NIPBL: variants seen among roughly 807,000 people sequenced by gnomAD.
NIPBL encodes nipped-B-like protein.
A neutral mutation model predicts 321.8 loss-of-function variants in NIPBL; 19 were observed. The observed-to-expected ratio is 0.06, with a 90% confidence interval of 0.04 to 0.09. The LOEUF is 0.09. Among genes scored for constraint, NIPBL ranks in the 10% least tolerant of loss-of-function variants. The pLI is 1.00. For synonymous variants in NIPBL, 1,106 were observed against 1,114.1 expected, an observed-to-expected ratio of 0.99 and a Z score of 0.14; for missense variants, 2,210 against 3,327.0, an observed-to-expected ratio of 0.66 and a Z score of 8.26.
At position 36,985,427 on chromosome 5, in the gene NIPBL, A is replaced by C; in HGVS notation, c.2247A>C (p.Gln749His). 1 of 1,613,714 alleles carries C rather than the reference A, an allele frequency of 6.2e-7. No individual in the cohort carries two copies. The highest frequency in any genetic ancestry group is 1.1e-5 in the South Asian group (1 of 91,074). The part of the protein sequence containing the change: ...KGESRPETPK[Q>H]KNEGRPETPK... The stretch of plus-strand genomic sequence containing the variant: ...AGAGCCGCCCTGAAACTCCAAAGCA[A>C]AAAAATGAAGGGCGACCTGAAACAC... Residue 749 changes from glutamine to histidine, a missense_variant, in exon 10 of 47, where the codon CAA (glutamine) becomes CAC (histidine). This residue lies in a region of NIPBL where 588 missense variants were observed against 564.1 expected (regional missense o/e 1.04). Coordinates refer to ENST00000282516, the MANE Select transcript of NIPBL (RefSeq NM_133433.4).
intron 1 of NIPBL, among the ~76,000 whole-genome samples, chr5:36,920,561 AATGAAAATT>A (rs1297092568): frequency 1.6e-4 from 25 of 152,344 alleles, no homozygotes; most frequent in African/African-American, 6.0e-4. Context: ...AGTGTTCTGA[AATGAAAATT>A]ATCAGACTTC....
chr5:36,890,049 T>G (rs1746201544), intron 1 of NIPBL, among the ~76,000 whole-genome samples: 1 of 152,172 alleles, frequency 6.6e-6, no homozygotes, highest in Non-Finnish European at 1.5e-5. Context: ...CATATATTAA[T>G]GCTATAAATT....
intron 1 of NIPBL, among the ~76,000 whole-genome samples, chr5:36,938,575 CAA>C (rs1738714186): frequency 6.6e-6 from 1 of 152,102 alleles, no homozygotes; most frequent in South Asian, 2.1e-4. Flanking sequence ...AATTGTTCTG[CAA>C]AGTTTCTAAA....
chr5:36,994,452 G>A (rs920170470), intron 10 of NIPBL, among the ~76,000 whole-genome samples: 34 of 151,938 alleles, frequency 2.2e-4, no homozygotes, highest in Admixed American at 1.8e-3. Context: ...TGATTGTATC[G>A]TCTTAATATT....
chr5:36,951,215 G>T (rs1367453082), intron 1 of NIPBL, among the ~76,000 whole-genome samples: 3 of 152,038 alleles, frequency 2.0e-5, no homozygotes, highest in African/African-American at 7.2e-5. Context: ...TCATACATGG[G>T]TAACTAAATA....
intron 32 of NIPBL, 142 bp downstream of exon 32, chr5:37,027,554 G>T: frequency 1.6e-6 from 1 of 613,828 alleles, no homozygotes. Context: ...AATATGTTAG[G>T]CTGGATGATT....
At chr5:37,011,478 C>G (rs998041304) in intron 21 of NIPBL, among the ~76,000 whole-genome samples, 1 of 152,132 alleles carries the variant, frequency 6.6e-6, no homozygotes, top group Non-Finnish European at 1.5e-5. Flanking sequence ...TCGATTGAGC[C>G]TTGAGAGATC....
At chr5:36,894,018 T>C (rs1382502036) in intron 1 of NIPBL, among the ~76,000 whole-genome samples, 1 of 152,186 alleles carries the variant, frequency 6.6e-6, no homozygotes, top group East Asian at 1.9e-4. Context: ...TCAAATTGAA[T>C]CTTGTTAGAA....
At chr5:36,880,526 CTT>C (rs1313213413) in intron 1 of NIPBL, among the ~76,000 whole-genome samples, 3 of 151,914 alleles carry the variant, frequency 2.0e-5, no homozygotes, top group Non-Finnish European at 4.4e-5. Context: ...AGAAATGTAA[CTT>C]TAATTCTGTT....
rs566043130 is a variant in NIPBL, at chr5:36,971,330, G to A, written c.771+294G>A. On this transcript the variant is annotated intron_variant, in intron 7 of 46. Coordinates refer to ENST00000282516, the MANE Select transcript of NIPBL (RefSeq NM_133433.4). ...ACAGAGCCTAAAATATTTATTCTCT[G>A]TTCCTTTATAATGAAAAGTTGGCTG... is the stretch of plus-strand genomic sequence containing the variant. Among the ~76,000 whole-genome samples, 4 of 151,614 alleles carry A rather than the reference G, an allele frequency of 2.6e-5. No homozygotes were observed. The East Asian group carries it at 7.7e-4, about 29-fold the overall frequency.
chr5:36,961,646 A>G (rs1343139687), intron 5 of NIPBL, 63 bp downstream of exon 5: 2 of 1,014,624 alleles, frequency 2.0e-6, no homozygotes, highest in African/African-American at 3.2e-5. Flanking sequence ...TGGTGAATAT[A>G]TGGTTCATAC....
chr5:37,064,927 T>C lies in NIPBL; in HGVS notation c.*35T>C. ...ACATGCAGCCAAATTTACAGGAATT[T>C]TTTTAAAAGGCAGAAAAACTTGAAA... is the stretch of plus-strand genomic sequence containing the variant. On this transcript the variant is annotated 3_prime_UTR_variant, in exon 47 of 47. Transcript: ENST00000282516. The C allele has an allele frequency of 6.2e-7, 1 of 1,613,738 alleles. No individual in the cohort carries two copies. Among genetic ancestry groups the C allele is most frequent in the Non-Finnish European group, 8.5e-7 (1 of 1,179,904 alleles).
intron 1 of NIPBL, among the ~76,000 whole-genome samples, chr5:36,951,230 G>A (rs1003605557): frequency 1.3e-5 from 2 of 151,996 alleles, no homozygotes; most frequent in African/African-American, 4.8e-5. Context: ...TAAATACATA[G>A]TCATTTTTAG....
intron 21 of NIPBL, among the ~76,000 whole-genome samples, chr5:37,013,812 C>T (rs867744295): frequency 1.3e-5 from 2 of 152,318 alleles, no homozygotes; most frequent in African/African-American, 4.8e-5. Flanking sequence ...GGTTGGCGGC[C>T]GGGCAGAGGC....
intron 17 of NIPBL, 36 bp from the exon 18 acceptor site, chr5:37,007,287 T>G: frequency 6.3e-7 from 1 of 1,581,378 alleles, no homozygotes; most frequent in Non-Finnish European, 8.7e-7. Context: ...TATTAAAAGT[T>G]GATGTTTTCC....
intron 10 of NIPBL, among the ~76,000 whole-genome samples, chr5:36,993,252 C>T (rs1302036310): frequency 6.6e-6 from 1 of 152,040 alleles, no homozygotes; most frequent in Non-Finnish European, 1.5e-5. Context: ...GTTGGAGCAC[C>T]TTCAGAAATA....
chr5:36,954,429 G>C (rs541541909), intron 2 of NIPBL, among the ~76,000 whole-genome samples: 111 of 152,274 alleles, frequency 7.3e-4, no homozygotes, highest in African/African-American at 2.4e-3. Context: ...TTTGAGCTTA[G>C]GAAATAAGCG....
intron 9 of NIPBL, among the ~76,000 whole-genome samples, chr5:36,978,063 A>C (rs293757): frequency 6.6e-6 from 1 of 151,978 alleles, no homozygotes; most frequent in Non-Finnish European, 1.5e-5. Context: ...GCTGTGATAA[A>C]CATATGAGTG....
At chr5:36,953,480 A>G in intron 1 of NIPBL, 138 bp from the exon 2 acceptor site, 3 of 589,522 alleles carry the variant, frequency 5.1e-6, no homozygotes, top group South Asian at 4.0e-5. Flanking sequence ...AACATGTAAT[A>G]AGTGGTATGT....
Sources: gnomAD v4.1 joint callset for allele counts (sites outside exome capture counted in the v4.1 genomes callset) on GRCh38, gnomAD v4.1.1 for gene constraint, gnomAD v4.1.1 regional missense constraint, MANE v1.5 for transcripts, NCBI Gene and HGNC (gene_info 2026-07-23, HGNC 2026-07-21) for gene names.